Variants in CLCN5 observed in about 807,000 individuals in gnomAD.
CLCN5 encodes the protein H(+)/Cl(-) exchange transporter 5.
Under a neutral mutation model 54.0 loss-of-function variants are expected in CLCN5, and 17 were observed. The ratio of observed to expected loss-of-function variants is 0.31; its 90% confidence interval spans 0.22 to 0.47. The LOEUF is 0.47. Among genes scored for constraint, CLCN5 ranks in the 20% least tolerant of loss-of-function variants. CLCN5 has a pLI of 1.00. For synonymous variants in CLCN5, 222 were observed against 233.0 expected, an observed-to-expected ratio of 0.95 and a Z score of 0.43; for missense variants, 448 against 646.7, an observed-to-expected ratio of 0.69 and a Z score of 3.33.
intron 7 of CLCN5, among the ~76,000 whole-genome samples, chrX:50,079,533 A>G (rs1933588890): frequency 8.9e-6 from 1 of 112,293 alleles, no homozygotes; most frequent in Admixed American, 9.5e-5. Context: ...GGTCAAAGCT[A>G]GATTTCTTTT....
intron 3 of CLCN5, among the ~76,000 whole-genome samples, chrX:50,008,679 A>T (rs925268967): frequency 8.9e-6 from 1 of 112,405 alleles, no homozygotes; most frequent in African/African-American, 3.2e-5. Flanking sequence ...GTTGAGGAAG[A>T]AGAATGGAAT....
In CLCN5 at chrX:50,097,788, G is replaced by A. The variant is rs1412792347; in HGVS notation, c.*5569G>A. On this transcript the variant is annotated 3_prime_UTR_variant, in exon 15 of 15. Coordinates refer to ENST00000376091, the MANE Select transcript of CLCN5 (RefSeq NM_001127898.4). Reference sequence around the variant, plus strand: ...CAACAGGGCTTTGCTCCTCTGTGAGGGCCAAAGCCATTGATACTTGTCGGG... The same window carrying A: ...CAACAGGGCTTTGCTCCTCTGTGAGAGCCAAAGCCATTGATACTTGTCGGG... The A allele has an allele frequency of 1.8e-5, 2 of 111,718 alleles. No homozygotes were observed. Among genetic ancestry groups the A allele is most frequent in the African/African-American group, 6.5e-5 (2 of 30,636 alleles). The allele number at this position is 111,718 out of a possible 1,213,427, so 9.2% of individuals were successfully genotyped here.
chrX:49,994,878 T>G (rs1929435222), intron 3 of CLCN5, among the ~76,000 whole-genome samples: 1 of 112,072 alleles, frequency 8.9e-6, no homozygotes, highest in Admixed American at 9.4e-5. Flanking sequence ...CATATCAACT[T>G]TGGTATGATG....
chrX:50,060,377 A>T (rs1243653024), intron 4 of CLCN5, among the ~76,000 whole-genome samples: 1 of 109,418 alleles, frequency 9.1e-6, no homozygotes, highest in Non-Finnish European at 1.9e-5. Context: ...TCCCTTTCCG[A>T]GTCAAAGAAA....
chrX:50,043,982 T>C (rs1486668784), intron 4 of CLCN5, among the ~76,000 whole-genome samples: 2 of 111,986 alleles, frequency 1.8e-5, no homozygotes, highest in African/African-American at 6.5e-5. Context: ...TAAGACATTG[T>C]AGACACTTTG....
At chrX:49,923,546 C>T (rs1202537663) in intron 2 of CLCN5, 64 bp downstream of exon 2, 1 of 112,453 alleles carries the variant, frequency 8.9e-6, no homozygotes, top group African/African-American at 3.2e-5. Context: ...TTTACATAAA[C>T]TTCATACATT....
chrX:50,057,413 T>C (rs782389863), intron 4 of CLCN5, among the ~76,000 whole-genome samples: 911 of 73,792 alleles, frequency 0.012, 25 homozygotes, highest in African/African-American at 0.046. Flanking sequence ...CCTGGATAGA[T>C]ACTATCCAGG....
intron 3 of CLCN5, among the ~76,000 whole-genome samples, chrX:49,956,994 C>T (rs1391127709): frequency 1.8e-5 from 2 of 111,795 alleles, no homozygotes; most frequent in Non-Finnish European, 3.8e-5. Context: ...CCTCTCCCCT[C>T]TCTTAAAAAA....
Position 50,088,718 on chromosome X carries a change from C to A in CLCN5, c.1578C>A (p.Ile526=). The A allele has an allele frequency of 8.3e-7, 1 of 1,211,444 alleles. No homozygotes were observed. Among genetic ancestry groups the A allele is most frequent in the Non-Finnish European group, 1.1e-6 (1 of 895,116 alleles). Residue 526 remains isoleucine, a synonymous_variant, in exon 12 of 15, where the codon ATC becomes ATA. Coordinates refer to ENST00000376091, the MANE Select transcript of CLCN5 (RefSeq NM_001127898.4). ...TGCAGATCCCTTCTGGCCTCTTTATCCCTAGCATGGCTGTTGGTGCTATAG... is the reference window on the plus strand; with the variant it reads ...TGCAGATCCCTTCTGGCCTCTTTATACCTAGCATGGCTGTTGGTGCTATAG... ...FGMKIPSGLF[I]PSMAVGAIAG...
At chrX:50,049,475 T>C (rs1196598968) in intron 4 of CLCN5, among the ~76,000 whole-genome samples, 2 of 112,213 alleles carry the variant, frequency 1.8e-5, no homozygotes, top group Non-Finnish European at 3.8e-5. Context: ...TGACTGTACA[T>C]GTATAGTGGT....
chrX:50,025,990 TTTC>T (rs1359516184), intron 3 of CLCN5, among the ~76,000 whole-genome samples: 1 of 112,291 alleles, frequency 8.9e-6, no homozygotes, highest in Non-Finnish European at 1.9e-5. Context: ...ATTATAGATC[TTTC>T]TTCTTTATTA....
chrX:50,030,815 C>T (rs1344412212), intron 3 of CLCN5, among the ~76,000 whole-genome samples: 1 of 111,770 alleles, frequency 8.9e-6, no homozygotes, highest in Non-Finnish European at 1.9e-5. Context: ...TGGTAGTTTC[C>T]CATGTGATAC....
rs1336501213 is a variant in CLCN5 at position 50,090,785 on chromosome X, C to T, written c.2259C>T (p.Leu753=). The T allele has an allele frequency of 1.7e-6, 2 of 1,209,203 alleles. No homozygotes were observed. The highest frequency in any genetic ancestry group is 2.2e-6 in the Non-Finnish European group (2 of 894,628). ...TPPTLKLRNI[L]DLSPFTVTDL... is the part of the protein sequence containing the mutation. Reference sequence around the variant, plus strand: ...CCACTCTAAAGCTTCGGAACATCCTCGATCTCAGCCCCTTCACTGTGACTG... The same window carrying T: ...CCACTCTAAAGCTTCGGAACATCCTTGATCTCAGCCCCTTCACTGTGACTG... Residue 753 remains leucine, a synonymous_variant, in exon 14 of 15, where the codon CTC becomes CTT. Coordinates refer to ENST00000376091, the MANE Select transcript of CLCN5 (RefSeq NM_001127898.4).
chrX:49,924,267 C>T (rs993641312), intron 2 of CLCN5, among the ~76,000 whole-genome samples: 3 of 110,523 alleles, frequency 2.7e-5, no homozygotes, highest in Admixed American at 9.6e-5. Context: ...ATTCTCCTGC[C>T]TCAGCCTTCC....
At chrX:49,925,474 C>T in intron 3 of CLCN5, among the ~76,000 whole-genome samples, 160 bp downstream of exon 3, 1 of 112,797 alleles carries the variant, frequency 8.9e-6, no homozygotes, top group Non-Finnish European at 1.9e-5. Context: ...TAAAAAGAAG[C>T]TGCTGCTAGC....
chrX:50,090,677 T>G lies in CLCN5; in HGVS notation c.2151T>G (p.Ala717=). 1 of 1,207,308 alleles carries G rather than the reference T, an allele frequency of 8.3e-7. No individual in the cohort carries two copies. Among genetic ancestry groups the G allele is most frequent in the Non-Finnish European group, 1.1e-6 (1 of 892,887 alleles). ...RRDLIISIEN[A]RKKQDGVVST... is the part of the protein sequence containing the mutation. ...TTCCTTCTGTTTGAATAGAAAATGC[T>G]CGAAAGAAACAGGATGGGGTTGTTA... The change falls in exon 14 of 15, where the codon GCT becomes GCG. Residue 717 remains alanine, a synonymous_variant. Coordinates refer to ENST00000376091, the MANE Select transcript of CLCN5 (RefSeq NM_001127898.4).
intron 3 of CLCN5, among the ~76,000 whole-genome samples, chrX:49,927,712 A>G (rs1046780540): frequency 1.8e-5 from 2 of 112,337 alleles, no homozygotes; most frequent in African/African-American, 6.5e-5. Context: ...ACTCCCATGT[A>G]TATTGCAGCA....
chrX:50,027,017 CT>C (rs113714534), intron 3 of CLCN5, among the ~76,000 whole-genome samples: 148 of 98,068 alleles, frequency 1.5e-3, no homozygotes, highest in Admixed American at 2.6e-3. Flanking sequence ...TTCTTTCTTT[CT>C]TTTTTTTTTT....
intron 3 of CLCN5, among the ~76,000 whole-genome samples, chrX:49,936,672 G>A (rs951219445): frequency 2.7e-5 from 3 of 112,227 alleles, no homozygotes; most frequent in Non-Finnish European, 3.8e-5. Flanking sequence ...GTCCAGCTCC[G>A]TGCACTGTTG....
Sources: gnomAD v4.1 joint callset for allele counts (sites outside exome capture counted in the v4.1 genomes callset) on GRCh38, gnomAD v4.1.1 for gene constraint, MANE v1.5 for transcripts, NCBI Gene and HGNC (gene_info 2026-07-23, HGNC 2026-07-21) for gene names.